CENPC: variants seen among roughly 807,000 people sequenced by gnomAD.
CENPC encodes the protein CENP-C 1.
CENPC carries 63 observed loss-of-function variants against 112.1 expected under a neutral mutation model. The observed-to-expected ratio is 0.56, with a 90% CI of 0.46 to 0.69. The LOEUF (loss-of-function observed/expected upper bound fraction) is 0.69. Among genes scored for constraint, CENPC ranks in the 30% least tolerant of loss-of-function variants. CENPC has a pLI of 0.00. For missense variants in CENPC, 1,000 were observed against 1,103.8 expected (o/e 0.91, Z 1.33); for synonymous variants, 333 against 367.6 (o/e 0.91, Z 1.08).
chr4:67,496,713 G>A (rs928409654), intron 12 of CENPC, among the ~76,000 whole-genome samples: 1 of 152,154 alleles, frequency 6.6e-6, no homozygotes, highest in Non-Finnish European at 1.5e-5. Context: ...TAGGCCCAGG[G>A]AAAGGAAATG....
chr4:67,511,805 C>A (rs1024420019), intron 9 of CENPC, among the ~76,000 whole-genome samples: 1 of 152,126 alleles, frequency 6.6e-6, no homozygotes, highest in Non-Finnish European at 1.5e-5. Context: ...AATTAAGCAG[C>A]TCCTGTGGGA....
At chr4:67,474,631 G>A (rs1353842836) in intron 18 of CENPC, 2 of 349,920 alleles carry the variant, frequency 5.7e-6, no homozygotes, top group Non-Finnish European at 1.0e-5. Flanking sequence ...CCAGGAGGTG[G>A]AGGCTACAGT....
intron 4 of CENPC, among the ~76,000 whole-genome samples, chr4:67,539,147 A>G (rs1480380051): frequency 6.6e-6 from 1 of 152,238 alleles, no homozygotes; most frequent in African/African-American, 2.4e-5. Flanking sequence ...TTTATCCCAG[A>G]AAACCTAAAG....
At chr4:67,529,296 C>T (rs1726474301) in intron 5 of CENPC, among the ~76,000 whole-genome samples, 1 of 152,096 alleles carries the variant, frequency 6.6e-6, no homozygotes, top group African/African-American at 2.4e-5. Flanking sequence ...CCCTTTCACA[C>T]TCTTGACAGT....
In CENPC at chr4:67,526,427, G is replaced by A. The variant is rs570890615; in HGVS notation, c.331+4388C>T. 4.0e-5 allele frequency among the ~76,000 whole-genome samples: 6 copies of A among 151,454 alleles called. No individual in the cohort carries two copies. In the South Asian group the frequency reaches 1.0e-3, roughly 26 times the overall value. ...GACAGATGATTAGAAAAAATGGACC[G>A]ATACCTCAGAAAACACAAACTACCA... On this transcript the variant is annotated intron_variant, in intron 5 of 18. Transcript: ENST00000273853.
At chr4:67,514,832 T>C in intron 7 of CENPC, 145 bp from the exon 8 acceptor site, 2 of 798,786 alleles carry the variant, frequency 2.5e-6, no homozygotes, top group Non-Finnish European at 3.8e-6. Flanking sequence ...TTACAAATCT[T>C]TCCCTCCTTT....
Position 67,493,864 on chromosome 4 carries a change from A to T in CENPC, c.2290+20T>A. ...AACAAATTTTTTATTGACAGATATTATAACATAAATAAGTTTTACCTGATG... is the reference window on the plus strand; with the variant it reads ...AACAAATTTTTTATTGACAGATATTTTAACATAAATAAGTTTTACCTGATG... On this transcript the variant is annotated intron_variant, in intron 14 of 18. Transcript: ENST00000273853. The T allele has an allele frequency of 6.5e-7, 1 of 1,528,848 alleles. No homozygotes were observed. The highest frequency in any genetic ancestry group is 1.1e-5 in the South Asian group (1 of 87,332). 94.7% of individuals were successfully genotyped at this position (1,528,848 alleles called of 1,614,324 possible). A position where few individuals can be genotyped will look rare whatever the true frequency, so the allele number is the denominator to read the frequency against.
intron 18 of CENPC, 72 bp from the exon 19 acceptor site, chr4:67,472,747 A>T: frequency 7.4e-7 from 1 of 1,346,368 alleles, no homozygotes; most frequent in Non-Finnish European, 9.6e-7. Flanking sequence ...GTATGTAGTC[A>T]TCACCTGACA....
intron 12 of CENPC, among the ~76,000 whole-genome samples, chr4:67,497,505 G>C (rs1725469724): frequency 6.6e-6 from 1 of 152,080 alleles, no homozygotes; most frequent in South Asian, 2.1e-4. Context: ...TTAGTTTCCT[G>C]GTGAATATAA....
intron 16 of CENPC, among the ~76,000 whole-genome samples, chr4:67,490,837 AATAT>A (rs57498869): frequency 0.037 from 2,124 of 56,814 alleles, 22 homozygotes; most frequent in East Asian, 0.054. Context: ...TATAGAAATA[AATAT>A]ATATATATAT....
intron 17 of CENPC, among the ~76,000 whole-genome samples, chr4:67,487,339 T>C (rs1442102595): frequency 6.6e-6 from 1 of 151,766 alleles, no homozygotes; most frequent in Non-Finnish European, 1.5e-5. Flanking sequence ...GTAGTAGTCT[T>C]AGAAATTCAT....
intron 17 of CENPC, among the ~76,000 whole-genome samples, chr4:67,483,914 G>A (rs1318636500): frequency 6.6e-6 from 1 of 152,164 alleles, no homozygotes; most frequent in East Asian, 1.9e-4. Context: ...GATATAAAGT[G>A]AAAATGTTAC....
chr4:67,512,441 T>A lies in CENPC; in HGVS notation c.1573A>T (p.Arg525Trp). 1 of 1,600,750 alleles carries A rather than the reference T, an allele frequency of 6.2e-7. No individual in the cohort carries two copies. Among genetic ancestry groups the A allele is most frequent in the Non-Finnish European group, 8.5e-7 (1 of 1,174,018 alleles). ...ACCACCCACCAATCAGATGGACGCCTGGAAATTCTTCGACTTTTCGTGACA... is the reference window on the plus strand; with the variant it reads ...ACCACCCACCAATCAGATGGACGCCAGGAAATTCTTCGACTTTTCGTGACA... ...STVTKSRRIS[R>W]RPSDWWVVKS... Residue 525 changes from arginine (R) to tryptophan (W), a missense_variant, in exon 9 of 19, where the codon AGG (arginine) becomes TGG (tryptophan). Coordinates refer to ENST00000273853, the MANE Select transcript of CENPC (RefSeq NM_001812.4).
intron 10 of CENPC, 108 bp from the exon 11 acceptor site, chr4:67,507,042 A>G (rs1725756505): frequency 1.4e-6 from 1 of 695,564 alleles, no homozygotes; most frequent in Non-Finnish European, 2.2e-6. Flanking sequence ...GGCTATAACG[A>G]ATATCAGATC....
At chr4:67,533,312 G>A (rs142595207) in intron 4 of CENPC, among the ~76,000 whole-genome samples, 19 of 152,196 alleles carry the variant, frequency 1.2e-4, no homozygotes, top group South Asian at 4.2e-4. Flanking sequence ...AGTGCCTTTC[G>A]CCCTATGCCA....
Position 67,490,093 on chromosome 4 carries a change from T to A in CENPC, c.2544A>T (p.Gln848His). The part of the protein sequence containing the change: ...MDLVRPQDTY[Q>H]FFVKHGELKV... The stretch of plus-strand genomic sequence containing the variant: ...TCAACTCACCATGCTTAACAAAAAA[T>A]TGATATGTATCTTGTGGCCTTACAA... Residue 848 changes from glutamine to histidine, a missense_variant, in exon 17 of 19, where the codon CAA becomes CAT. Gln to His is a conservative substitution (Grantham distance 24, BLOSUM62 0). Coordinates refer to ENST00000273853, the MANE Select transcript of CENPC (RefSeq NM_001812.4). 1.2e-6 allele frequency: 2 copies of A among 1,608,198 alleles called. No individual in the cohort carries two copies. Among genetic ancestry groups the A allele is most frequent in the Non-Finnish European group, 1.7e-6 (2 of 1,177,668 alleles).
intron 6 of CENPC, 141 bp downstream of exon 6, chr4:67,519,076 T>C (rs1427467855): frequency 1.4e-5 from 9 of 632,848 alleles, no homozygotes; most frequent in South Asian, 5.9e-5. Flanking sequence ...ACTGAATATA[T>C]GCTAAATGTA....
At chr4:67,545,219 C>A in intron 1 of CENPC, 119 bp downstream of exon 1, 1 of 994,246 alleles carries the variant, frequency 1.0e-6, no homozygotes. Flanking sequence ...TGCGGCTTTC[C>A]CACTGAAATC....
At chr4:67,527,605 A>T (rs1726422811) in intron 5 of CENPC, among the ~76,000 whole-genome samples, 1 of 142,844 alleles carries the variant, frequency 7.0e-6, no homozygotes, top group Admixed American at 7.5e-5. Context: ...GGCTCAAGTG[A>T]CTCTCCCACC....
Sources: allele counts gnomAD v4.1 joint callset (sites outside exome capture counted in the v4.1 genomes callset), GRCh38; gene constraint gnomAD v4.1.1; transcripts MANE v1.5; gene names NCBI Gene and HGNC (gene_info 2026-07-23, HGNC 2026-07-21).